DIAPH2: variants seen among roughly 807,000 people sequenced by gnomAD.
DIAPH2 encodes the protein diaphanous related formin 2.
A neutral mutation model predicts 92.7 loss-of-function variants in DIAPH2; 35 were observed. The observed-to-expected ratio is 0.38, with a 90% CI of 0.29 to 0.50. DIAPH2 has a LOEUF of 0.50. DIAPH2 is among the 20% of genes least tolerant of loss of function. The probability of loss-of-function intolerance (pLI) is 0.94; values close to 1 mark genes in which losing one functional copy is unlikely to be tolerated. For missense variants in DIAPH2, 701 were observed against 819.5 expected, an observed-to-expected ratio of 0.86 and a Z score of 1.77; for synonymous variants, 301 against 280.4, an observed-to-expected ratio of 1.07 and a Z score of -0.73.
intron 22 of DIAPH2, among the ~76,000 whole-genome samples, chrX:97,242,421 T>C (rs765512863): frequency 1.0e-4 from 11 of 109,863 alleles, no homozygotes; most frequent in Admixed American, 2.9e-4. Context: ...TGGAGTGCAG[T>C]GGCACGATCT....
rs1401363235 is a variant in DIAPH2 at position 97,185,391 on chromosome X, A to G, written c.2719+43597A>G. Among the ~76,000 whole-genome samples the G allele has an allele frequency of 5.5e-4, 15 of 27,372 alleles. 2 individuals carry two copies. The highest frequency in any genetic ancestry group is 5.0e-3 in the East Asian group (5 of 1,007). The allele number at this position is 27,372 out of a possible 115,157, so 23.8% of individuals were successfully genotyped here. ...TATGTATATATATATGTATATATATATGTGTATATATATATATATGTATAT... is the reference window on the plus strand; with the variant it reads ...TATGTATATATATATGTATATATATGTGTGTATATATATATATATGTATAT... On this transcript the variant is annotated intron_variant, in intron 22 of 26. Transcript: ENST00000324765.
At chrX:97,128,450 G>A (rs990929673) in intron 21 of DIAPH2, among the ~76,000 whole-genome samples, 1 of 111,229 alleles carries the variant, frequency 9.0e-6, no homozygotes. Context: ...CTGTGATTTC[G>A]AATGCCTTAA....
At chrX:96,733,708 T>A (rs6615850) in intron 1 of DIAPH2, among the ~76,000 whole-genome samples, 21,554 of 110,794 alleles carry the variant, frequency 0.19, 1,573 homozygotes, top group East Asian at 0.33. Flanking sequence ...GATTAGGAAG[T>A]CACTACAGAA....
intron 19 of DIAPH2, among the ~76,000 whole-genome samples, chrX:97,082,633 AAAACAAACAAAC>A (rs756456309): frequency 9.0e-6 from 1 of 110,839 alleles, no homozygotes; most frequent in Non-Finnish European, 1.9e-5. Context: ...CTCCATCTCA[AAAACAAACAAAC>A]AAACAAACAA....
At chrX:97,421,062 G>A (rs1356195397) in intron 25 of DIAPH2, among the ~76,000 whole-genome samples, 2 of 111,586 alleles carry the variant, frequency 1.8e-5, no homozygotes, top group Non-Finnish European at 3.8e-5. Context: ...TCCTCTTGTC[G>A]CCTAAAGGCT....
chrX:96,980,321 A>C (rs759825797), intron 17 of DIAPH2, among the ~76,000 whole-genome samples: 2 of 111,169 alleles, frequency 1.8e-5, no homozygotes, highest in South Asian at 7.7e-4. Flanking sequence ...TTGTCCCCTG[A>C]AGTCCAGCTG....
At chrX:96,781,477 C>T (rs1225357972) in intron 4 of DIAPH2, among the ~76,000 whole-genome samples, 1 of 111,543 alleles carries the variant, frequency 9.0e-6, no homozygotes, top group Non-Finnish European at 1.9e-5. Context: ...ACCTCCACCA[C>T]ATTCACTATC....
chrX:97,410,628 A>T (rs1238691537), intron 25 of DIAPH2, among the ~76,000 whole-genome samples: 1 of 112,002 alleles, frequency 8.9e-6, no homozygotes, highest in East Asian at 2.8e-4. Context: ...CTAAAGGAGG[A>T]TGTTCAAACC....
chrX:96,981,238 A>AT (rs1184400881), intron 17 of DIAPH2, among the ~76,000 whole-genome samples: 12 of 109,923 alleles, frequency 1.1e-4, no homozygotes, highest in Non-Finnish European at 1.3e-4. Context: ...TGAAACTTAG[A>AT]TTTTTTTTTG....
At chrX:96,946,571 T>C (rs1057350439) in intron 14 of DIAPH2, among the ~76,000 whole-genome samples, 16 of 112,269 alleles carry the variant, frequency 1.4e-4, no homozygotes, top group African/African-American at 5.2e-4. Context: ...GAATAGATTC[T>C]AAGAGCTTGA....
rs771372184 is a variant in DIAPH2 at position 96,957,996 on chromosome X, C to A, written c.1783C>A (p.Pro595Thr). Residue 595 changes from proline to threonine, a missense_variant, in exon 16 of 27, where the codon CCA becomes ACA. Transcript: ENST00000324765. Reference protein sequence around the residue: ...PGMMGIPPPPPPPLLFGGPPP... With the variant: ...PGMMGIPPPPTPPLLFGGPPP... ...AATGATGGGGATACCACCACCACCC[C>A]CACCACCACTTTTATTTGGGGGACC... 2.2e-5 allele frequency: 27 copies of A among 1,208,020 alleles called. No individual in the cohort carries two copies. Among genetic ancestry groups the A allele is most frequent in the Non-Finnish European group, 2.9e-5 (26 of 894,552 alleles).
chrX:97,066,162 C>A (rs1017953805), intron 17 of DIAPH2, among the ~76,000 whole-genome samples: 2 of 111,953 alleles, frequency 1.8e-5, no homozygotes, highest in Non-Finnish European at 3.8e-5. Flanking sequence ...ATGTCTTAGG[C>A]CTTCACATTC....
intron 26 of DIAPH2, among the ~76,000 whole-genome samples, chrX:97,554,378 A>G (rs2071243222): frequency 8.9e-6 from 1 of 112,375 alleles, no homozygotes; most frequent in Middle Eastern, 4.6e-3. Context: ...TCTGGTCTAC[A>G]TATGGCCTTT....
intron 17 of DIAPH2, among the ~76,000 whole-genome samples, chrX:97,048,912 T>C (rs1446439606): frequency 9.1e-5 from 10 of 110,201 alleles, no homozygotes; most frequent in African/African-American, 3.3e-4. Flanking sequence ...TTTTTTTTTT[T>C]AGCACTACCT....
chrX:97,080,038 A>G (rs1027148479), intron 19 of DIAPH2, among the ~76,000 whole-genome samples: 3 of 111,612 alleles, frequency 2.7e-5, no homozygotes, highest in African/African-American at 9.8e-5. Context: ...CTCCCTTATA[A>G]GGGACATCTG....
At chrX:97,438,255 A>G (rs182284944) in intron 26 of DIAPH2, among the ~76,000 whole-genome samples, 163 of 108,653 alleles carry the variant, frequency 1.5e-3, no homozygotes, top group Non-Finnish European at 2.3e-3. Flanking sequence ...TAATTGACCA[A>G]TGGGTTTTTC....
At chrX:97,201,761 G>T (rs1425357958) in intron 22 of DIAPH2, among the ~76,000 whole-genome samples, 1 of 110,959 alleles carries the variant, frequency 9.0e-6, no homozygotes, top group Non-Finnish European at 1.9e-5. Flanking sequence ...TTATCCAGGA[G>T]AACGTCCCCA....
intron 26 of DIAPH2, among the ~76,000 whole-genome samples, chrX:97,477,195 T>C (rs1396493065): frequency 9.6e-6 from 1 of 104,107 alleles, no homozygotes; most frequent in Non-Finnish European, 1.9e-5. Context: ...CCAGGCATGG[T>C]AACTGGCCTC....
chrX:97,476,992 C>T lies in DIAPH2; in HGVS notation c.3241+47247C>T, dbSNP rs1382883834. Among the ~76,000 whole-genome samples the T allele has an allele frequency of 1.7e-3, 133 of 78,586 alleles. 1 individual carries two copies. Among genetic ancestry groups the T allele is most frequent in the Middle Eastern group, 6.7e-3 (1 of 149 alleles). 68.2% of individuals were successfully genotyped at this position (78,586 alleles called of 115,157 possible). A position where few individuals can be genotyped will look rare whatever the true frequency, so the allele number is the denominator to read the frequency against. ...AAATATATATATATATATACACACA[C>T]ACACACACACACACACACACACACA... On this transcript the variant is annotated intron_variant, in intron 26 of 26. Coordinates refer to ENST00000324765, the MANE Select transcript of DIAPH2 (RefSeq NM_006729.5).
Sources: gnomAD v4.1 joint callset for allele counts (sites outside exome capture counted in the v4.1 genomes callset) on GRCh38, gnomAD v4.1.1 for gene constraint, MANE v1.5 for transcripts, NCBI Gene and HGNC (gene_info 2026-07-23, HGNC 2026-07-21) for gene names.